RIMS4: variants seen among roughly 807,000 people sequenced by gnomAD.
RIMS4 encodes the protein regulating synaptic membrane exocytosis 4, also known as regulating synaptic membrane exocytosis protein 4.
A neutral mutation model predicts 29.0 loss-of-function variants in RIMS4; 9 were observed. The ratio of observed to expected loss-of-function variants is 0.31; its 90% CI spans 0.19 to 0.54. The LOEUF (loss-of-function observed/expected upper bound fraction) is 0.54, where lower values mean the gene tolerates loss of function less well. Ranked by LOEUF, RIMS4 falls within the 20% of genes least tolerant of loss-of-function variation. RIMS4 has a pLI of 0.94. For missense variants in RIMS4, 193 were observed against 365.7 expected (o/e 0.53, Z 3.85); for synonymous variants, 130 against 152.9 (o/e 0.85, Z 1.10).
intron 1 of RIMS4, among the ~76,000 whole-genome samples, chr20:44,781,121 T>G (rs932369928): frequency 2.0e-5 from 3 of 151,514 alleles, no homozygotes; most frequent in African/African-American, 7.3e-5. Flanking sequence ...GGTAGTAGAG[T>G]GTGGGGGGGA....
intron 1 of RIMS4, among the ~76,000 whole-genome samples, chr20:44,789,099 C>G (rs1406993421): frequency 6.6e-6 from 1 of 151,788 alleles, no homozygotes; most frequent in Non-Finnish European, 1.5e-5. Flanking sequence ...CACCGAGACA[C>G]AGCAAGGTTA....
intron 1 of RIMS4, among the ~76,000 whole-genome samples, chr20:44,789,070 C>T (rs1378394630): frequency 6.6e-6 from 1 of 151,212 alleles, no homozygotes; most frequent in Non-Finnish European, 1.5e-5. Context: ...CTGTTATTGT[C>T]TCTATTTACA....
intron 1 of RIMS4, among the ~76,000 whole-genome samples, chr20:44,798,360 C>G (rs2066263535): frequency 6.6e-6 from 1 of 152,224 alleles, no homozygotes; most frequent in African/African-American, 2.4e-5. Context: ...TGACCTTGGC[C>G]AAGTCAGAAG....
At chr20:44,793,086 C>T (rs1259510661) in intron 1 of RIMS4, among the ~76,000 whole-genome samples, 1 of 152,134 alleles carries the variant, frequency 6.6e-6, no homozygotes, top group Non-Finnish European at 1.5e-5. Flanking sequence ...CTTCCTCTAA[C>T]TTGCATAAGG....
chr20:44,777,547 C>G (rs1303222517), intron 1 of RIMS4, among the ~76,000 whole-genome samples: 1 of 152,164 alleles, frequency 6.6e-6, no homozygotes, highest in Non-Finnish European at 1.5e-5. Flanking sequence ...CAGAGCAGTT[C>G]AGCAACTTGT....
chr20:44,759,402 C>T (rs1601017840), intron 2 of RIMS4, among the ~76,000 whole-genome samples: 2 of 152,230 alleles, frequency 1.3e-5, no homozygotes, highest in African/African-American at 4.8e-5. Context: ...GGAATACAGA[C>T]GTGTACCACC....
chr20:44,768,449 TG>T (rs1005888003), intron 2 of RIMS4, among the ~76,000 whole-genome samples: 1 of 151,658 alleles, frequency 6.6e-6, no homozygotes, highest in African/African-American at 2.4e-5. Flanking sequence ...GCCCAAGGGG[TG>T]GGGAGAAGGG....
At chr20:44,768,825 G>A (rs895449297) in intron 2 of RIMS4, among the ~76,000 whole-genome samples, 1 of 152,196 alleles carries the variant, frequency 6.6e-6, no homozygotes, top group African/African-American at 2.4e-5. Context: ...TGTATTTGGG[G>A]TGGCTCACTA....
intron 1 of RIMS4, among the ~76,000 whole-genome samples, chr20:44,791,268 C>T (rs1022417346): frequency 3.3e-5 from 5 of 152,232 alleles, no homozygotes; most frequent in African/African-American, 9.6e-5. Context: ...TTTTAATTTT[C>T]TTTTGGTGTG....
rs1363190680 is a variant in RIMS4, at chr20:44,752,882, A to G, written c.*3252T>C. On this transcript the variant is annotated 3_prime_UTR_variant, in exon 6 of 6. Transcript: ENST00000372851. ...TCAAGGTCTAGACCCAATCCTGTGT[A>G]CCCTCAGTCAGCTGGGCCAGCCCCC... 6.6e-6 allele frequency: 1 copy of G among 152,404 alleles called. No homozygotes were observed. Among genetic ancestry groups the G allele is most frequent in the Non-Finnish European group, 1.5e-5 (1 of 68,230 alleles). The allele number at this position is 152,404 out of a possible 1,614,324, so 9.4% of individuals were successfully genotyped here.
At chr20:44,786,965 CT>C (rs2066211227) in intron 1 of RIMS4, among the ~76,000 whole-genome samples, 1 of 152,194 alleles carries the variant, frequency 6.6e-6, no homozygotes, top group South Asian at 2.1e-4. Flanking sequence ...GAAAAACGAA[CT>C]GTCCTCCTGA....
intron 1 of RIMS4, among the ~76,000 whole-genome samples, chr20:44,794,482 C>T (rs1160457501): frequency 1.3e-5 from 2 of 152,190 alleles, no homozygotes; most frequent in African/African-American, 2.4e-5. Flanking sequence ...AGACATTTAC[C>T]TCTGGAGAGA....
At chr20:44,790,542 G>A (rs6031794) in intron 1 of RIMS4, among the ~76,000 whole-genome samples, 284 of 152,286 alleles carry the variant, frequency 1.9e-3, no homozygotes, top group African/African-American at 6.3e-3. Flanking sequence ...GTGAATGTCC[G>A]CGTCTATGTT....
rs1028146403 is a variant in RIMS4 at position 44,754,772 on chromosome 20, G to A, written c.*1362C>T. The A allele has an allele frequency of 3.9e-5, 6 of 152,690 alleles. No homozygotes were observed. The highest frequency in any genetic ancestry group is 9.7e-5 in the African/African-American group (4 of 41,440). The allele number at this position is 152,690 out of a possible 1,614,324, so 9.5% of individuals were successfully genotyped here. ...AGGACTATGCATGAGCTAAGAACAG[G>A]CCCCAGGGCTTGGAGCACTAACTCT... On this transcript the variant is annotated 3_prime_UTR_variant, in exon 6 of 6. Transcript: ENST00000372851.
chr20:44,757,674 C>T lies in RIMS4; in HGVS notation c.447G>A (p.Leu149=). The change falls in exon 4 of 6, where the codon CTG becomes CTA. Residue 149 remains leucine (L), a synonymous_variant. Coordinates refer to ENST00000372851, the MANE Select transcript of RIMS4 (RefSeq NM_182970.4). ...GLTAKPGSKT[L]PAAYIKAYLL... is the part of the protein sequence containing the mutation. ...AGGGGAAGGTAGGCCCCAGACCTGG[C>T]AGTGTCTTGGAGCCTGGCTTGGCTG... is the stretch of plus-strand genomic sequence containing the variant. The T allele has an allele frequency of 1.2e-6, 2 of 1,612,878 alleles. No homozygotes were observed. The highest frequency in any genetic ancestry group is 1.1e-5 in the South Asian group (1 of 91,056).
chr20:44,786,877 C>T (rs982491043), intron 1 of RIMS4, among the ~76,000 whole-genome samples: 4 of 152,208 alleles, frequency 2.6e-5, no homozygotes, highest in African/African-American at 9.7e-5. Flanking sequence ...CATTCACTCA[C>T]AAAGTATTTT....
In RIMS4 at chr20:44,756,607, C is replaced by G. The variant is rs1371838107; in HGVS notation, c.592-255G>C. The stretch of plus-strand genomic sequence containing the variant: ...CTTGCTGTAGGCAAAACTGCAAATA[C>G]TTTTCCTGCACACAGCACACATTCC... On this transcript the variant is annotated intron_variant, in intron 5 of 5. Transcript: ENST00000372851. This position sits in a 1 kb window ranked among gnomAD's most constrained non-coding sequence, Gnocchi z 5.9. 6.6e-6 allele frequency among the ~76,000 whole-genome samples: 1 copy of G among 152,186 alleles called. No individual in the cohort carries two copies. The highest frequency in any genetic ancestry group is 1.9e-4 in the East Asian group (1 of 5,184).
Position 44,756,030 on chromosome 20 carries a change from G to C in RIMS4, c.*104C>G. On this transcript the variant is annotated 3_prime_UTR_variant, in exon 6 of 6. Coordinates refer to ENST00000372851, the MANE Select transcript of RIMS4 (RefSeq NM_182970.4). This position sits in a 1 kb window ranked among gnomAD's most constrained non-coding sequence, Gnocchi z 5.9. ...TCCCCGTTCTGCTTCCCCACTGTGG[G>C]GGAGAGCCCCGTCCTCCTGTTCAAT... 2.2e-6 allele frequency: 2 copies of C among 923,272 alleles called. No individual in the cohort carries two copies. Among genetic ancestry groups the C allele is most frequent in the African/African-American group, 1.7e-5 (1 of 60,438 alleles). The allele number at this position is 923,272 out of a possible 1,614,324, so 57.2% of individuals were successfully genotyped here.
chr20:44,768,129 G>A (rs1437118343), intron 2 of RIMS4, among the ~76,000 whole-genome samples: 2 of 152,166 alleles, frequency 1.3e-5, no homozygotes, highest in Non-Finnish European at 2.9e-5. Context: ...ACCTTGCTGG[G>A]AACACAACAT....
Sources: gnomAD v4.1 joint callset for allele counts (sites outside exome capture counted in the v4.1 genomes callset) on GRCh38, gnomAD v4.1.1 for gene constraint, Gnocchi (gnomAD v3.1) non-coding constraint, MANE v1.5 for transcripts, NCBI Gene and HGNC (gene_info 2026-07-23, HGNC 2026-07-21) for gene names.